The following SYT1 variants were observed in gnomAD, a reference collection of about 807,000 sequenced individuals.
SYT1 encodes the protein synaptotagmin-1.
In SYT1, 8 loss-of-function variants were observed where a neutral mutation model predicts 44.8. The observed-to-expected ratio is 0.18, with a 90% CI of 0.10 to 0.32. SYT1 has a LOEUF of 0.32. Among genes scored for constraint, SYT1 ranks in the 10% least tolerant of loss-of-function variants. The probability of loss-of-function intolerance (pLI) is 1.00; values close to 1 mark genes in which losing one functional copy is unlikely to be tolerated. For missense variants in SYT1, 286 were observed against 509.3 expected (o/e 0.56, Z 4.22); for synonymous variants, 154 against 188.8 (o/e 0.82, Z 1.51).
At chr12:79,005,410 T>A (rs1364074646) in intron 2 of SYT1, among the ~76,000 whole-genome samples, 1 of 152,060 alleles carries the variant, frequency 6.6e-6, no homozygotes. Context: ...TTGCTGGCTC[T>A]AGATCTAGGA....
chr12:79,285,254 A>G (rs1302767130), intron 4 of SYT1, among the ~76,000 whole-genome samples: 1 of 152,250 alleles, frequency 6.6e-6, no homozygotes, highest in African/African-American at 2.4e-5. Context: ...ATAAGAATAC[A>G]ACACCTAGTA....
rs149921412 is a variant in SYT1 at position 79,233,808 on chromosome 12, G to A, written c.166+16123G>A. ...AAGGTACTTCCATAAAAGCTTGAAT[G>A]TAATAATCTAACAGTTGAGCCCTGC... On this transcript the variant is annotated intron_variant, in intron 4 of 10. Coordinates refer to ENST00000261205, the MANE Select transcript of SYT1 (RefSeq NM_005639.3). Among the ~76,000 whole-genome samples the A allele has an allele frequency of 9.3e-4, 142 of 152,346 alleles. 2 individuals carry two copies. The highest frequency in any genetic ancestry group is 2.1e-3 in the East Asian group (11 of 5,194).
At chr12:79,209,377 T>C (rs574562864) in intron 3 of SYT1, among the ~76,000 whole-genome samples, 2 of 152,200 alleles carry the variant, frequency 1.3e-5, no homozygotes, top group Non-Finnish European at 2.9e-5. Flanking sequence ...TCAGATTCCC[T>C]GGGAACCTGC....
chr12:79,096,004 G>C (rs192707688), intron 3 of SYT1, among the ~76,000 whole-genome samples: 1 of 151,990 alleles, frequency 6.6e-6, no homozygotes, highest in Non-Finnish European at 1.5e-5. Flanking sequence ...TGGCGGTCCT[G>C]AGGGCTGTGG....
chr12:79,023,544 C>A (rs1872327886), intron 2 of SYT1, among the ~76,000 whole-genome samples: 2 of 151,772 alleles, frequency 1.3e-5, no homozygotes, highest in Admixed American at 1.3e-4. Context: ...GACTGAGAGC[C>A]AAGAATGATG....
chr12:79,292,161 A>C, intron 6 of SYT1, 31 bp downstream of exon 6: 1 of 1,589,856 alleles, frequency 6.3e-7, no homozygotes, highest in Non-Finnish European at 8.5e-7. Context: ...TTCTAATTCC[A>C]TTACATTTTC....
intron 4 of SYT1, among the ~76,000 whole-genome samples, chr12:79,229,151 T>C (rs1875709890): frequency 6.6e-6 from 1 of 152,214 alleles, no homozygotes; most frequent in Admixed American, 6.5e-5. Flanking sequence ...CGGCACTGTG[T>C]TGGGATGAGG....
At position 79,155,115 on chromosome 12, in the gene SYT1, G is replaced by A. The variant is rs564284371; in HGVS notation, c.-17-62388G>A. Among the ~76,000 whole-genome samples, 214 of 152,166 alleles carry A rather than the reference G, an allele frequency of 1.4e-3. 1 individual carries two copies. Among genetic ancestry groups the A allele is most frequent in the African/African-American group, 4.8e-3 (198 of 41,526 alleles). Reference sequence around the variant, plus strand: ...TCAACATCAAGTTAATGGAAACAATGAAAATATATTATAAAAACAGAAAAA... The same window carrying A: ...TCAACATCAAGTTAATGGAAACAATAAAAATATATTATAAAAACAGAAAAA... On this transcript the variant is annotated intron_variant, in intron 3 of 10. Coordinates refer to ENST00000261205, the MANE Select transcript of SYT1 (RefSeq NM_005639.3).
chr12:79,015,479 A>G (rs1283622480), intron 2 of SYT1, among the ~76,000 whole-genome samples: 2 of 152,142 alleles, frequency 1.3e-5, no homozygotes, highest in East Asian at 3.9e-4. Context: ...TATCTGATTC[A>G]TATTGTTGAT....
intron 1 of SYT1, among the ~76,000 whole-genome samples, chr12:78,964,476 A>T (rs1879669007): frequency 6.6e-6 from 1 of 152,190 alleles, no homozygotes; most frequent in African/African-American, 2.4e-5. Context: ...TACTCTCTTT[A>T]GAATTTTGGA....
chr12:79,329,183 G>C (rs1181192604), intron 8 of SYT1, among the ~76,000 whole-genome samples: 1 of 152,120 alleles, frequency 6.6e-6, no homozygotes, highest in Non-Finnish European at 1.5e-5. Flanking sequence ...AGACCCACTG[G>C]GTGAGGAGGC....
At chr12:79,318,191 G>A (rs1881189583) in intron 8 of SYT1, among the ~76,000 whole-genome samples, 1 of 152,184 alleles carries the variant, frequency 6.6e-6, no homozygotes, top group Non-Finnish European at 1.5e-5. Context: ...GCCAACTTTG[G>A]ATATTAGGAA....
At chr12:79,282,807 G>T (rs1705086667) in intron 4 of SYT1, among the ~76,000 whole-genome samples, 1 of 151,826 alleles carries the variant, frequency 6.6e-6, no homozygotes, top group African/African-American at 2.4e-5. Context: ...CAGTGATACT[G>T]AACAAAACTG....
At position 78,931,308 on chromosome 12, in the gene SYT1, AGAGGGAGGGAGG is replaced by A. The variant is rs1279053038; in HGVS notation, c.-216-46472_-216-46461del. Among the ~76,000 whole-genome samples the A allele has an allele frequency of 1.3e-3, 35 of 27,598 alleles. 2 individuals carry two copies. Among genetic ancestry groups the A allele is most frequent in the African/African-American group, 4.1e-3 (21 of 5,128 alleles). The allele number at this position is 27,598 out of a possible 152,430, so 18.1% of individuals were successfully genotyped here. A position where few individuals can be genotyped will look rare whatever the true frequency, so the allele number is the denominator to read the frequency against. On this transcript the variant is annotated intron_variant, in intron 1 of 10. Coordinates refer to ENST00000261205, the MANE Select transcript of SYT1 (RefSeq NM_005639.3). The stretch of plus-strand genomic sequence containing the variant: ...GAAGGAAGGAAGGAAGGAAGGAAGG[AGAGGGAGGGAGG>A]GAGGGAGGGAGGGAGGGAAGGAAGG...
chr12:79,058,635 T>C (rs1592709910), intron 3 of SYT1, among the ~76,000 whole-genome samples: 2 of 152,158 alleles, frequency 1.3e-5, no homozygotes, highest in Non-Finnish European at 2.9e-5. Flanking sequence ...GCATCTTGCA[T>C]CCCCTCTGCT....
intron 9 of SYT1, among the ~76,000 whole-genome samples, chr12:79,408,590 C>A (rs1868316396): frequency 6.6e-6 from 1 of 152,060 alleles, no homozygotes; most frequent in African/African-American, 2.4e-5. Flanking sequence ...AAGATAACAG[C>A]CAGGAAAACT....
Position 79,369,050 on chromosome 12 carries a change from G to A in SYT1, c.928+15431G>A, listed in dbSNP as rs116943760. On this transcript the variant is annotated intron_variant, in intron 9 of 10. Coordinates refer to ENST00000261205, the MANE Select transcript of SYT1 (RefSeq NM_005639.3). ...TGTCATTTTACTAATTGCTAAATTT[G>A]CCCATATCAGTCATGTTGAACTGTG... 5.9e-3 allele frequency among the ~76,000 whole-genome samples: 894 copies of A among 152,242 alleles called. 8 individuals are homozygous for A. The highest frequency in any genetic ancestry group is 0.01 in the Middle Eastern group (3 of 294).
intron 3 of SYT1, among the ~76,000 whole-genome samples, chr12:79,115,781 A>C (rs1432036199): frequency 1.3e-5 from 2 of 152,222 alleles, no homozygotes; most frequent in Non-Finnish European, 2.9e-5. Context: ...ATTTTAACAC[A>C]GTCAACTGTT....
intron 1 of SYT1, among the ~76,000 whole-genome samples, chr12:78,904,360 C>A (rs542740832): frequency 1.3e-5 from 2 of 152,044 alleles, no homozygotes; most frequent in Admixed American, 6.6e-5. Flanking sequence ...ACACTATTAA[C>A]GTGTAAAAAT....
Sources: gnomAD v4.1 joint callset for allele counts (sites outside exome capture counted in the v4.1 genomes callset) on GRCh38, gnomAD v4.1.1 for gene constraint, MANE v1.5 for transcripts, NCBI Gene and HGNC (gene_info 2026-07-23, HGNC 2026-07-21) for gene names.